Variants in NOX4 observed in about 807,000 individuals in gnomAD.
NOX4 encodes the protein NADPH oxidase 4, also known as kidney oxidase-1.
In NOX4, 69 loss-of-function variants were observed where a neutral mutation model predicts 87.6. The observed-to-expected ratio is 0.79, with a 90% CI of 0.65 to 0.96. The LOEUF is 0.96. NOX4 is among the 40% of genes least tolerant of loss of function. NOX4 has a pLI of 0.00. For synonymous variants in NOX4, 275 were observed against 238.2 expected (o/e 1.15, Z -1.42); for missense variants, 680 against 681.5 (o/e 1.00, Z 0.02).
At chr11:89,438,563 A>AATATATAGTATATATTATATACTAT (rs1944221770) in intron 6 of NOX4, among the ~76,000 whole-genome samples, 2 of 87,622 alleles carry the variant, frequency 2.3e-5, no homozygotes, top group Admixed American at 2.0e-4. Context: ...TACTATATAT[A>AATATATAGTATATATTATATACTAT]ATATAATATA....
At chr11:89,480,040 G>T (rs1946329148) in intron 2 of NOX4, among the ~76,000 whole-genome samples, 1 of 152,114 alleles carries the variant, frequency 6.6e-6, no homozygotes, top group Admixed American at 6.6e-5. Context: ...AGTATATGCG[G>T]GTTTCATATC....
Position 89,401,062 on chromosome 11 carries a change from T to A in NOX4, c.847-683A>T, listed in dbSNP as rs187513217. On this transcript the variant is annotated intron_variant, in intron 9 of 17. Transcript: ENST00000263317. Reference sequence around the variant, plus strand: ...GGGAAGTGCAGAAGCCTATGTGGCTTACTGTTCTCCTAAAATTACACACTT... The same window carrying A: ...GGGAAGTGCAGAAGCCTATGTGGCTAACTGTTCTCCTAAAATTACACACTT... Among the ~76,000 whole-genome samples the A allele has an allele frequency of 3.2e-4, 49 of 152,268 alleles. No individual in the cohort carries two copies. In the East Asian group the frequency reaches 8.7e-3, roughly 27 times the overall value.
chr11:89,462,641 T>C (rs780146052), intron 2 of NOX4, among the ~76,000 whole-genome samples: 10 of 152,060 alleles, frequency 6.6e-5, no homozygotes, highest in African/African-American at 9.7e-5. Context: ...TTGGTTATCA[T>C]ATGCAAACAA....
intron 12 of NOX4, among the ~76,000 whole-genome samples, chr11:89,356,093 C>G (rs1427295862): frequency 6.6e-6 from 1 of 151,954 alleles, no homozygotes; most frequent in Non-Finnish European, 1.5e-5. Flanking sequence ...AGTTAAAAAA[C>G]TAAGCAATGT....
chr11:89,503,677 A>G, the NOX4 span, among the ~76,000 whole-genome samples: 1 of 151,494 alleles, frequency 6.6e-6, no homozygotes, highest in Non-Finnish European at 1.5e-5. Context: ...TTAACTTTAG[A>G]CAAGTAATTT....
At chr11:89,433,892 A>G (rs936564132) in intron 6 of NOX4, among the ~76,000 whole-genome samples, 3 of 152,076 alleles carry the variant, frequency 2.0e-5, no homozygotes, top group Non-Finnish European at 4.4e-5. Flanking sequence ...CTAAACAGCT[A>G]AAGTGTCAAT....
chr11:89,433,399 T>C (rs1460166318), intron 6 of NOX4, among the ~76,000 whole-genome samples: 1 of 152,028 alleles, frequency 6.6e-6, no homozygotes, highest in Non-Finnish European at 1.5e-5. Flanking sequence ...CTTCTAAAAG[T>C]ATACACTAAA....
the NOX4 span, among the ~76,000 whole-genome samples, chr11:89,537,507 A>T: frequency 6.6e-6 from 1 of 151,982 alleles, no homozygotes; most frequent in Non-Finnish European, 1.5e-5. Flanking sequence ...GTATATAAAA[A>T]TTGTACTAAA....
chr11:89,326,948 T>C, intron 17 of NOX4, 72 bp from the exon 18 acceptor site: 1 of 1,441,494 alleles, frequency 6.9e-7, no homozygotes, highest in South Asian at 1.2e-5. Context: ...GTATGCTTTA[T>C]GAGCATGGTT....
chr11:89,380,673 C>G (rs1401998781), intron 11 of NOX4, among the ~76,000 whole-genome samples: 1 of 152,148 alleles, frequency 6.6e-6, no homozygotes, highest in East Asian at 1.9e-4. Context: ...TTATTAGACA[C>G]TAAGGGAATA....
chr11:89,358,240 G>T (rs1938224250), intron 12 of NOX4, among the ~76,000 whole-genome samples: 1 of 151,782 alleles, frequency 6.6e-6, no homozygotes, highest in East Asian at 1.9e-4. Flanking sequence ...CAAAAAATTA[G>T]TCGGGCATAG....
the NOX4 span, among the ~76,000 whole-genome samples, chr11:89,522,096 C>T: frequency 3.3e-5 from 5 of 152,156 alleles, no homozygotes; most frequent in African/African-American, 1.2e-4. Flanking sequence ...ATTTGTTCAG[C>T]CACTCTGGAA....
At chr11:89,356,624 C>G (rs961726637) in intron 12 of NOX4, among the ~76,000 whole-genome samples, 8 of 152,092 alleles carry the variant, frequency 5.3e-5, no homozygotes, top group African/African-American at 1.9e-4. Context: ...TTGGAATAGG[C>G]TGGACCTACT....
intron 2 of NOX4, among the ~76,000 whole-genome samples, chr11:89,487,525 C>A (rs1023107928): frequency 2.6e-5 from 4 of 152,078 alleles, no homozygotes; most frequent in African/African-American, 9.7e-5. Flanking sequence ...AAATGTTCAG[C>A]CATGAAAGTA....
intron 11 of NOX4, among the ~76,000 whole-genome samples, chr11:89,384,831 C>T (rs1016444969): frequency 1.3e-5 from 2 of 152,144 alleles, no homozygotes; most frequent in African/African-American, 4.8e-5. Context: ...CTGTTTTAGG[C>T]TGGCCCCCGC....
chr11:89,546,807 C>T, the NOX4 span: 1 of 152,150 alleles, frequency 6.6e-6, no homozygotes, highest in African/African-American at 2.4e-5. Flanking sequence ...AACTAACCCA[C>T]TCCCATGATA....
At chr11:89,422,615 A>G (rs1457055497) in intron 7 of NOX4, among the ~76,000 whole-genome samples, 1 of 152,078 alleles carries the variant, frequency 6.6e-6, no homozygotes, top group Non-Finnish European at 1.5e-5. Context: ...ATATATTAGA[A>G]TATTGGAATT....
chr11:89,373,816 T>C (rs910727353), intron 11 of NOX4, among the ~76,000 whole-genome samples: 1 of 152,080 alleles, frequency 6.6e-6, no homozygotes, highest in Non-Finnish European at 1.5e-5. Flanking sequence ...GAAAAGCCAG[T>C]TTTAAATCAC....
intron 6 of NOX4, among the ~76,000 whole-genome samples, chr11:89,438,846 T>TA (rs373716565): frequency 1.6e-4 from 4 of 25,394 alleles, no homozygotes; most frequent in South Asian, 1.5e-3. Context: ...ATTATATATA[T>TA]TATATAATAT....
Sources: gnomAD v4.1 joint callset for allele counts (sites outside exome capture counted in the v4.1 genomes callset) on GRCh38, gnomAD v4.1.1 for gene constraint, MANE v1.5 for transcripts, NCBI Gene and HGNC (gene_info 2026-07-23, HGNC 2026-07-21) for gene names.